Variants in DSC3 observed in about 807,000 individuals in gnomAD.
DSC3 encodes the protein desmocollin-3.
In DSC3, 97 loss-of-function variants were observed where a neutral mutation model predicts 89.5. That is an observed-to-expected ratio of 1.08 (90% CI 0.92 to 1.28). The LOEUF (loss-of-function observed/expected upper bound fraction) is 1.28, where lower values mean the gene tolerates loss of function less well. DSC3 is among the 50% of genes most tolerant of loss of function. DSC3 has a pLI of 0.00. For synonymous variants in DSC3, 436 were observed against 384.1 expected, an observed-to-expected ratio of 1.14 and a Z score of -1.58; for missense variants, 1,199 against 1,085.3, an observed-to-expected ratio of 1.10 and a Z score of -1.47.
Position 31,007,046 on chromosome 18 carries a change from G to A in DSC3, c.1749C>T (p.Val583=). Reference sequence around the variant, plus strand: ...TATACCCCATTTTTGGTTTGCAAATGACTACATATTCTTGAAGTATTTCTG... The same window carrying A: ...TATACCCCATTTTTGGTTTGCAAATAACTACATATTCTTGAAGTATTTCTG... ...NPPEILQEYV[V]ICKPKMGYTD... is the part of the protein sequence containing the mutation. The change falls in exon 12 of 16, where the codon GTC becomes GTT. Residue 583 remains valine (V), a synonymous_variant. Transcript: ENST00000360428. 6.2e-7 allele frequency: 1 copy of A among 1,613,856 alleles called. No individual in the cohort carries two copies. The highest frequency in any genetic ancestry group is 2.2e-5 in the East Asian group (1 of 44,834).
intron 1 of DSC3, 133 bp downstream of exon 1, chr18:31,042,459 C>T: frequency 2.2e-6 from 2 of 916,056 alleles, no homozygotes; most frequent in Non-Finnish European, 3.5e-6. Flanking sequence ...CTTGGGGCTG[C>T]TACCAGACCC....
rs753599724 is a variant in DSC3 at position 31,029,589 on chromosome 18, G to C, written c.394C>G (p.Arg132Gly). Reference protein sequence around the residue: ...TRHTRETVLRRAKRRWAPIPC... With the variant: ...TRHTRETVLRGAKRRWAPIPC... ...ATAGGTGCCCATCTCCTCTTGGCAC[G>C]CCTGAGAACAGTTTCTCTAGTGTGT... is the stretch of plus-strand genomic sequence containing the variant. Residue 132 changes from arginine to glycine, a missense_variant, in exon 4 of 16, where the codon CGT (arginine) becomes GGT (glycine). By Grantham distance (125) the Arg-to-Gly change is moderately radical. Transcript: ENST00000360428. 6.2e-7 allele frequency: 1 copy of C among 1,613,608 alleles called. No homozygotes were observed. The highest frequency in any genetic ancestry group is 2.2e-5 in the East Asian group (1 of 44,870).
intron 3 of DSC3, among the ~76,000 whole-genome samples, chr18:31,030,006 C>T (rs564436707): frequency 2.6e-5 from 4 of 152,114 alleles, no homozygotes; most frequent in Non-Finnish European, 5.9e-5. Flanking sequence ...AAGCTCATGC[C>T]CTTAGGTCAG....
chr18:31,020,025 G>C (rs562778912), intron 7 of DSC3, among the ~76,000 whole-genome samples: 1 of 152,254 alleles, frequency 6.6e-6, no homozygotes, highest in South Asian at 2.1e-4. Context: ...GATTCTCGGA[G>C]GAAGTAAACA....
At chr18:31,039,189 A>G (rs1986060926) in intron 1 of DSC3, among the ~76,000 whole-genome samples, 1 of 152,180 alleles carries the variant, frequency 6.6e-6, no homozygotes. Flanking sequence ...GTTGCATTTT[A>G]TAGTACTAAG....
intron 1 of DSC3, among the ~76,000 whole-genome samples, chr18:31,041,735 C>G (rs1485432633): frequency 1.3e-5 from 2 of 152,228 alleles, no homozygotes; most frequent in Non-Finnish European, 2.9e-5. Context: ...AGCATCGTCT[C>G]TAACTTCCTC....
chr18:31,036,431 C>T (rs1297138699), intron 1 of DSC3, among the ~76,000 whole-genome samples: 1 of 151,762 alleles, frequency 6.6e-6, no homozygotes, highest in Non-Finnish European at 1.5e-5. Flanking sequence ...ACTTAGTTTG[C>T]TTTTTAACTT....
At chr18:31,012,835 C>G (rs932609694) in intron 9 of DSC3, among the ~76,000 whole-genome samples, 1 of 151,918 alleles carries the variant, frequency 6.6e-6, no homozygotes, top group Admixed American at 6.6e-5. Context: ...AAATCCTAGA[C>G]AGAAATTAGA....
At chr18:31,032,318 A>AT in intron 1 of DSC3, 42 bp from the exon 2 acceptor site, 2 of 1,456,164 alleles carry the variant, frequency 1.4e-6, no homozygotes, top group Non-Finnish European at 1.9e-6. Context: ...GAAAATAAAG[A>AT]TTAAAAAAAA....
rs1984499225 is a variant in DSC3, at chr18:30,997,024, G to C, written c.2260C>G (p.Gln754Glu). 6 of 1,614,098 alleles carry C rather than the reference G, an allele frequency of 3.7e-6. No individual in the cohort carries two copies. Among genetic ancestry groups the C allele is most frequent in the Non-Finnish European group, 5.1e-6 (6 of 1,180,002 alleles). The change falls in exon 15 of 16, where the codon CAA becomes GAA. Residue 754 changes from glutamine (Q) to glutamate (E), a missense_variant. Physicochemically the swap from Gln to Glu is conservative, Grantham distance 29. Transcript: ENST00000360428. ...RVCSANGFMT[Q>E]TTNNSSQGFC... is the part of the protein sequence containing the mutation. ...CCTTGGCTAGAGTTGTTGGTAGTTT[G>C]GGTCATAAATCCATTGGCAGAGCAC...
chr18:31,030,494 A>G (rs1043373958), intron 3 of DSC3, among the ~76,000 whole-genome samples: 1 of 152,202 alleles, frequency 6.6e-6, no homozygotes, highest in Non-Finnish European at 1.5e-5. Context: ...CAGTAAAAAA[A>G]TTCTGAGTTC....
Position 31,022,492 on chromosome 18 carries a change from C to A in DSC3, c.786G>T (p.Val262=), listed in dbSNP as rs78535342. 3.7e-6 allele frequency: 6 copies of A among 1,614,012 alleles called. No homozygotes were observed. Among genetic ancestry groups the A allele is most frequent in the East Asian group, 2.2e-5 (1 of 44,878 alleles). Residue 262 remains valine (V), a synonymous_variant, in exon 7 of 16, where the codon GTG becomes GTT. Transcript: ENST00000360428. ...CTCTGTCTGTGGCACAAACCACCCC[C>A]ACTGTAGTACCTACACATTAAAAAA... ...VLESSRPGTT[V]GVVCATDRDE... is the part of the protein sequence containing the mutation.
rs1454082735 is a variant in DSC3 at position 31,032,575 on chromosome 18, TGTGTGTGTGTGTGTGCGTGTGC to T, written c.70-321_70-300del. On this transcript the variant is annotated intron_variant, in intron 1 of 15. Transcript: ENST00000360428. ...GTGTATGTGTGTGTGTGTGTGTGTG[TGTGTGTGTGTGTGTGCGTGTGC>T]GTGTGCGTGTGCGTGTGTGACTGAG... Among the ~76,000 whole-genome samples the T allele has an allele frequency of 2.8e-3, 369 of 131,630 alleles. 3 individuals carry two copies. Among genetic ancestry groups the T allele is most frequent in the African/African-American group, 0.011 (352 of 33,030 alleles). The allele number at this position is 131,630 out of a possible 152,430, so 86.4% of individuals were successfully genotyped here.
chr18:30,995,996 A>AAAAGAAAG lies in DSC3; in HGVS notation c.2493+794_2493+795insCTTTCTTT, dbSNP rs1984448134. Among the ~76,000 whole-genome samples, 7 of 136,478 alleles carry AAAAGAAAG rather than the reference A, an allele frequency of 5.1e-5. 1 individual carries two copies. Among genetic ancestry groups the AAAAGAAAG allele is most frequent in the African/African-American group, 2.1e-4 (7 of 33,584 alleles). The allele number at this position is 136,478 out of a possible 152,430, so 89.5% of individuals were successfully genotyped here. On this transcript the variant is annotated intron_variant, in intron 15 of 15. Transcript: ENST00000360428. ...TAAAAAAAAAAAAAAAAAAAAAAAA[A>AAAAGAAAG]AAAGAAAAGAAAGAAAAAAGCTTCT...
intron 3 of DSC3, among the ~76,000 whole-genome samples, chr18:31,030,314 T>A (rs1193235028): frequency 6.6e-6 from 1 of 152,208 alleles, no homozygotes. Flanking sequence ...GACATTTTAT[T>A]TCATAAGAAT....
chr18:31,015,067 T>C (rs754392344), intron 9 of DSC3, among the ~76,000 whole-genome samples: 2 of 152,226 alleles, frequency 1.3e-5, no homozygotes, highest in Admixed American at 6.5e-5. Context: ...TCATGGTAGC[T>C]ACTTTTAAAA....
intron 6 of DSC3, 48 bp from the exon 7 acceptor site, chr18:31,022,550 TATACTTTCAA>T: frequency 1.3e-6 from 2 of 1,598,838 alleles, no homozygotes; most frequent in Non-Finnish European, 1.7e-6. Context: ...AATTGTTAAA[TATACTTTCAA>T]AAGTATCTAC....
At chr18:31,019,832 C>A (rs938464393) in intron 7 of DSC3, among the ~76,000 whole-genome samples, 5 of 152,088 alleles carry the variant, frequency 3.3e-5, no homozygotes, top group African/African-American at 1.2e-4. Context: ...TGTCCCAAAT[C>A]TGAGGCAGTA....
intron 9 of DSC3, among the ~76,000 whole-genome samples, chr18:31,011,453 G>T (rs534290659): frequency 1.3e-5 from 2 of 151,280 alleles, no homozygotes; most frequent in Admixed American, 6.6e-5. Context: ...AACTCTTTGA[G>T]GTATAAAGGA....
Sources: allele counts gnomAD v4.1 joint callset (sites outside exome capture counted in the v4.1 genomes callset), GRCh38; gene constraint gnomAD v4.1.1; transcripts MANE v1.5; gene names NCBI Gene and HGNC (gene_info 2026-07-23, HGNC 2026-07-21).